The following FTCDNL1 variants were observed in gnomAD, a reference collection of about 807,000 sequenced individuals.
The protein encoded by FTCDNL1 is formiminotransferase cyclodeaminase N-terminal like.
A neutral mutation model predicts 5.9 loss-of-function variants in FTCDNL1; 11 were observed. The observed-to-expected ratio is 1.87, with a 90% CI of 1.18 to 3.10. FTCDNL1 has a LOEUF of 3.10. Ranked by LOEUF, FTCDNL1 falls within the 30% of genes most tolerant of loss-of-function variation. The pLI is 0.00. For missense variants in FTCDNL1, 115 were observed against 65.5 expected (o/e 1.76, Z -2.61); for synonymous variants, 58 against 24.8 (o/e 2.34, Z -3.99).
At chr2:199,696,040 T>C in the FTCDNL1 span, among the ~76,000 whole-genome samples, 1 of 152,154 alleles carries the variant, frequency 6.6e-6, no homozygotes, top group African/African-American at 2.4e-5. Flanking sequence ...CCAGCAGCCA[T>C]TGCCACAGCT....
the FTCDNL1 span, among the ~76,000 whole-genome samples, chr2:199,726,631 TG>T: frequency 6.6e-6 from 1 of 152,220 alleles, no homozygotes; most frequent in Non-Finnish European, 1.5e-5. Context: ...TCTGTTTGTT[TG>T]TTTTTCTTTT....
At chr2:199,837,601 A>G (rs1702840004) in intron 3 of FTCDNL1, among the ~76,000 whole-genome samples, 1 of 152,214 alleles carries the variant, frequency 6.6e-6, no homozygotes. Context: ...GGGTCTCAAG[A>G]CTACCATGGG....
the FTCDNL1 span, among the ~76,000 whole-genome samples, chr2:199,753,012 T>C: frequency 2.0e-5 from 3 of 152,102 alleles, no homozygotes; most frequent in African/African-American, 7.2e-5. Context: ...AAGAAGCTTA[T>C]AGGGAGACTT....
chr2:199,726,757 C>G, the FTCDNL1 span, among the ~76,000 whole-genome samples: 1 of 152,202 alleles, frequency 6.6e-6, no homozygotes, highest in African/African-American at 2.4e-5. Flanking sequence ...GGCTTCAGAA[C>G]AGCAAAGATG....
chr2:199,731,866 C>T, the FTCDNL1 span, among the ~76,000 whole-genome samples: 44 of 149,024 alleles, frequency 3.0e-4, no homozygotes, highest in African/African-American at 1.1e-3. Flanking sequence ...CCAGCCTGGG[C>T]GACAGAGCGA....
the FTCDNL1 span, among the ~76,000 whole-genome samples, chr2:199,702,390 C>T: frequency 1.3e-5 from 2 of 152,108 alleles, no homozygotes; most frequent in Admixed American, 1.3e-4. Flanking sequence ...CCAGAAGACC[C>T]TCGCCTCCCG....
At chr2:199,844,526 G>GA in intron 3 of FTCDNL1, 1 of 587,958 alleles carries the variant, frequency 1.7e-6, no homozygotes. Context: ...AGCCAGAACA[G>GA]AACTGCCTAA....
At chr2:199,687,257 T>C in the FTCDNL1 span, among the ~76,000 whole-genome samples, 8 of 152,350 alleles carry the variant, frequency 5.3e-5, no homozygotes, top group South Asian at 4.1e-4. Flanking sequence ...GTTTGTAGAA[T>C]ATAGCAAAAG....
At chr2:199,759,468 C>T (rs771185543), downstream of FTCDNL1, among the ~76,000 whole-genome samples, 2 of 151,958 alleles carry the variant, frequency 1.3e-5, no homozygotes, top group African/African-American at 4.8e-5. Flanking sequence ...AGATTCCTAG[C>T]CTGCCAAACA....
the FTCDNL1 span, among the ~76,000 whole-genome samples, chr2:199,683,101 T>C: frequency 2.6e-5 from 4 of 152,184 alleles, no homozygotes; most frequent in Admixed American, 2.6e-4. Flanking sequence ...GTCTAAAGTT[T>C]TGCACCCAAA....
At chr2:199,741,418 C>G in the FTCDNL1 span, among the ~76,000 whole-genome samples, 120 of 152,320 alleles carry the variant, frequency 7.9e-4, 3 homozygotes, top group South Asian at 0.025. Context: ...GGAAGTAGCA[C>G]TGGCCCACAA....
At chr2:199,751,558 G>A in the FTCDNL1 span, among the ~76,000 whole-genome samples, 3 of 152,100 alleles carry the variant, frequency 2.0e-5, no homozygotes, top group African/African-American at 7.2e-5. Context: ...GTCAGGCACA[G>A]CCGTCTTTGT....
the FTCDNL1 span, among the ~76,000 whole-genome samples, chr2:199,666,910 CAAA>C: frequency 3.0e-5 from 3 of 99,396 alleles, no homozygotes; most frequent in African/African-American, 3.6e-5. Flanking sequence ...GAGTCCATCT[CAAA>C]AAAAAAAAAA....
intron 3 of FTCDNL1, among the ~76,000 whole-genome samples, chr2:199,763,094 A>C (rs1279882966): frequency 1.3e-5 from 2 of 152,228 alleles, no homozygotes; most frequent in Non-Finnish European, 2.9e-5. Flanking sequence ...GTAACAACAC[A>C]TTACTATCTT....
intron 3 of FTCDNL1, among the ~76,000 whole-genome samples, chr2:199,773,010 T>A (rs767271563): frequency 1.1e-4 from 17 of 152,198 alleles, no homozygotes; most frequent in Non-Finnish European, 2.1e-4. Flanking sequence ...TTGTTTGTGG[T>A]TTTCTTGTCT....
the FTCDNL1 span, among the ~76,000 whole-genome samples, chr2:199,738,167 T>A: frequency 6.6e-6 from 1 of 152,244 alleles, no homozygotes; most frequent in African/African-American, 2.4e-5. Context: ...CTCGATACCA[T>A]ACACTGAAAG....
chr2:199,727,123 G>A, the FTCDNL1 span, among the ~76,000 whole-genome samples: 542 of 152,314 alleles, frequency 3.6e-3, 3 homozygotes, highest in African/African-American at 0.012. Flanking sequence ...AATTCTCAAA[G>A]GAAGGCCCCA....
intron 3 of FTCDNL1, among the ~76,000 whole-genome samples, chr2:199,772,092 C>A (rs778855574): frequency 1.3e-5 from 2 of 152,110 alleles, no homozygotes; most frequent in Non-Finnish European, 2.9e-5. Context: ...ACAAACACTG[C>A]GATACTGTGA....
At chr2:199,765,556 A>ATATATATATTTTTT in intron 3 of FTCDNL1, among the ~76,000 whole-genome samples, 2 of 42,662 alleles carry the variant, frequency 4.7e-5, no homozygotes, top group African/African-American at 6.4e-5. Flanking sequence ...ATATATATAT[A>ATATATATATTTTTT]TTTTTTTTTT....
Sources: allele counts gnomAD v4.1 joint callset (sites outside exome capture counted in the v4.1 genomes callset), GRCh38; gene constraint gnomAD v4.1.1; transcripts MANE v1.5; gene names NCBI Gene and HGNC (gene_info 2026-07-23, HGNC 2026-07-21).